The following PPP2R5C variants were observed in gnomAD, a reference collection of about 807,000 sequenced individuals.
The protein encoded by PPP2R5C is protein phosphatase 2 regulatory subunit B'gamma.
PPP2R5C carries 7 observed loss-of-function variants against 68.9 expected under a neutral mutation model. The observed-to-expected ratio is 0.10, with a 90% confidence interval of 0.06 to 0.19. The LOEUF is 0.19. Ranked by LOEUF, PPP2R5C falls within the 10% of genes least tolerant of loss-of-function variation. PPP2R5C has a pLI of 1.00. For missense variants in PPP2R5C, 348 were observed against 641.3 expected (o/e 0.54, Z 4.94); for synonymous variants, 210 against 222.2 (o/e 0.95, Z 0.49).
chr14:101,807,499 G>A (rs1024061521), upstream of PPP2R5C, among the ~76,000 whole-genome samples: 1 of 152,150 alleles, frequency 6.6e-6, no homozygotes, highest in Admixed American at 6.5e-5. Context: ...AAAAATAGAG[G>A]CCCACCTGAA....
At chr14:101,790,271 A>C (rs546994685) in intron 3 of PPP2R5C, among the ~76,000 whole-genome samples, 1 of 152,310 alleles carries the variant, frequency 6.6e-6, no homozygotes, top group Non-Finnish European at 1.5e-5. Context: ...GTTGAGGCAT[A>C]ATTTACATAT....
Position 101,917,870 on chromosome 14 carries a change from G to A in PPP2R5C, c.1366G>A (p.Val456Ile), listed in dbSNP as rs1371877050. 6 of 1,613,802 alleles carry A rather than the reference G, an allele frequency of 3.7e-6. No homozygotes were observed. Among genetic ancestry groups the A allele is most frequent in the Non-Finnish European group, 5.1e-6 (6 of 1,179,790 alleles). Residue 456 changes from valine (V) to isoleucine (I), a missense_variant, in exon 13 of 14, where the codon GTT becomes ATT. Physicochemically the swap from Val to Ile is conservative, Grantham distance 29. Transcript: ENST00000334743. The surrounding 1 kb of genome is among the most constrained non-coding windows in gnomAD (Gnocchi z 4.4). The stretch of plus-strand genomic sequence containing the variant: ...TCAAGCCAGCACCATGAGCATTCCG[G>A]TTGCAATGGAGACAGATGGGCCTTT...
chr14:101,765,555 G>C, intron 2 of PPP2R5C: 1 of 256,126 alleles, frequency 3.9e-6, no homozygotes. Flanking sequence ...ACATTCCCAT[G>C]CTGCTTTCAA....
In PPP2R5C at chr14:101,768,045, GGCT is replaced by G. The variant is rs552601025; in HGVS notation, c.93+5078_93+5080del. Among the ~76,000 whole-genome samples the G allele has an allele frequency of 6.2e-4, 94 of 152,250 alleles. 1 individual carries two copies. In the East Asian group the frequency reaches 0.012, roughly 20 times the overall value. The stretch of plus-strand genomic sequence containing the variant: ...TGTGGGGCAAGATATTTTGTTGTGG[GGCT>G]GCCCAGTGGTCCTCTACTTTGTAGG... On this transcript the variant is annotated intron_variant, in intron 2 of 14. Transcript: ENST00000328724.
intron 2 of PPP2R5C, among the ~76,000 whole-genome samples, chr14:101,783,629 T>G (rs913416581): frequency 6.6e-6 from 1 of 152,108 alleles, no homozygotes; most frequent in African/African-American, 2.4e-5. Context: ...CTATCCTCAG[T>G]GTGTCCCCAT....
At chr14:101,761,781 GGGCGGCGGC>G (rs547036580), upstream of PPP2R5C, 184 of 970,270 alleles carry the variant, frequency 1.9e-4, no homozygotes, top group Admixed American at 9.2e-4. Context: ...CTCAGTCCCC[GGGCGGCGGC>G]GGCGGCGGCG....
At chr14:101,829,048 G>A (rs747332220) in intron 1 of PPP2R5C, among the ~76,000 whole-genome samples, 2 of 152,106 alleles carry the variant, frequency 1.3e-5, no homozygotes, top group Non-Finnish European at 2.9e-5. Flanking sequence ...AGTTGAAGTC[G>A]TGAAAATATC....
At chr14:101,809,744 TC>T, upstream of PPP2R5C, 1 of 1,173,442 alleles carries the variant, frequency 8.5e-7, no homozygotes. Context: ...AACAGAACGC[TC>T]TTTCCGTTTG....
intron 2 of PPP2R5C, among the ~76,000 whole-genome samples, chr14:101,770,639 C>G (rs1201595854): frequency 7.2e-5 from 11 of 152,198 alleles, no homozygotes; most frequent in Admixed American, 6.5e-5. Context: ...ATCAGCATTC[C>G]TCTCCCTCTT....
At position 101,917,217 on chromosome 14, in the gene PPP2R5C, G is replaced by A. The variant is rs1054093643; in HGVS notation, c.1327-614G>A. 1.3e-5 allele frequency among the ~76,000 whole-genome samples: 2 copies of A among 152,128 alleles called. No homozygotes were observed. The highest frequency in any genetic ancestry group is 4.8e-5 in the African/African-American group (2 of 41,420). On this transcript the variant is annotated intron_variant, in intron 12 of 13. Coordinates refer to ENST00000334743, the Ensembl canonical transcript of PPP2R5C. This position sits in a 1 kb window ranked among gnomAD's most constrained non-coding sequence, Gnocchi z 4.4. ...TTCAATCCAGAGCACAGGGAGAGTG[G>A]AGAAGTCCCAGGGCCGCCCGTAGGG...
chr14:101,857,508 A>G (rs2042492935), intron 2 of PPP2R5C, among the ~76,000 whole-genome samples: 1 of 152,234 alleles, frequency 6.6e-6, no homozygotes, highest in Non-Finnish European at 1.5e-5. Flanking sequence ...TTCCTCTATC[A>G]ATGACAGTAT....
rs1566952593 is a variant in PPP2R5C, at chr14:101,899,735, GC to G, written c.853-1983del. Among the ~76,000 whole-genome samples the G allele has an allele frequency of 6.6e-6, 1 of 152,174 alleles. No homozygotes were observed. The highest frequency in any genetic ancestry group is 6.5e-5 in the Admixed American group (1 of 15,276). On this transcript the variant is annotated intron_variant, in intron 8 of 13. Coordinates refer to ENST00000334743, the Ensembl canonical transcript of PPP2R5C. This position sits in a 1 kb window ranked among gnomAD's most constrained non-coding sequence, Gnocchi z 4.2. ...GTCCTTAATAGTGATTCCAATACAC[GC>G]AAAGTGTGGTAGGAACACAATAAAT...
At chr14:101,817,294 C>T (rs550297830) in intron 1 of PPP2R5C, among the ~76,000 whole-genome samples, 1 of 152,198 alleles carries the variant, frequency 6.6e-6, no homozygotes, top group African/African-American at 2.4e-5. Context: ...GTTTCGCTCT[C>T]TTATCATTTC....
chr14:101,829,805 T>C (rs955790541), intron 1 of PPP2R5C, among the ~76,000 whole-genome samples: 2 of 152,160 alleles, frequency 1.3e-5, no homozygotes, highest in Non-Finnish European at 2.9e-5. Context: ...CCTTACGCAG[T>C]GCCTTCAAAT....
chr14:101,898,005 A>AT lies in PPP2R5C; in HGVS notation c.852+3448dup, dbSNP rs59812782. Among the ~76,000 whole-genome samples, 360 of 151,390 alleles carry AT rather than the reference A, an allele frequency of 2.4e-3. 2 individuals carry two copies. The highest frequency in any genetic ancestry group is 8.0e-3 in the African/African-American group (330 of 41,208). ...CCTCCTCTCTACCAAAAAAAAAAAA[A>AT]TTTAATTAGCTGGGCATGGTGACAT... is the stretch of plus-strand genomic sequence containing the variant. On this transcript the variant is annotated intron_variant, in intron 8 of 13. Coordinates refer to ENST00000334743, the Ensembl canonical transcript of PPP2R5C.
intron 12 of PPP2R5C, chr14:101,914,315 T>A (rs1232297525): frequency 5.1e-6 from 2 of 390,388 alleles, no homozygotes; most frequent in Non-Finnish European, 1.0e-5. Flanking sequence ...GCATGGCACA[T>A]GGTCTCCTAA....
At chr14:101,909,726 A>AT in intron 11 of PPP2R5C, 36 bp downstream of exon 13, 3 of 1,488,312 alleles carry the variant, frequency 2.0e-6, no homozygotes, top group South Asian at 1.2e-5. Context: ...TGTTTCCAGG[A>AT]TTTTTTTCTT....
intron 1 of PPP2R5C, among the ~76,000 whole-genome samples, chr14:101,822,361 T>C (rs2040137090): frequency 6.6e-6 from 1 of 152,248 alleles, no homozygotes; most frequent in South Asian, 2.1e-4. Context: ...TCTCCTTTTA[T>C]ATTATTCTTA....
At chr14:101,814,705 G>A (rs994970085) in intron 1 of PPP2R5C, among the ~76,000 whole-genome samples, 2 of 152,214 alleles carry the variant, frequency 1.3e-5, no homozygotes, top group Non-Finnish European at 2.9e-5. Flanking sequence ...AGAATAGGGT[G>A]TGTGTTTTTA....
Sources: allele counts gnomAD v4.1 joint callset (sites outside exome capture counted in the v4.1 genomes callset), GRCh38; gene constraint gnomAD v4.1.1; non-coding constraint Gnocchi (gnomAD v3.1); transcripts MANE v1.5; gene names NCBI Gene and HGNC (gene_info 2026-07-23, HGNC 2026-07-21).